The following ATP6V0D2 variants were observed in gnomAD, a reference collection of about 807,000 sequenced individuals.
ATP6V0D2 encodes V-type proton ATPase subunit d 2.
Under a neutral mutation model 40.0 loss-of-function variants are expected in ATP6V0D2, and 40 were observed. The ratio of observed to expected loss-of-function variants is 1.00; its 90% confidence interval spans 0.78 to 1.30. The LOEUF (loss-of-function observed/expected upper bound fraction) is 1.30. ATP6V0D2 is among the 50% of genes most tolerant of loss of function. The pLI is 0.00. For missense variants in ATP6V0D2, 470 were observed against 423.1 expected (o/e 1.11, Z -0.97); for synonymous variants, 179 against 156.3 (o/e 1.15, Z -1.08).
In ATP6V0D2 at chr8:86,141,776, A is replaced by G. The variant is rs571877033; in HGVS notation, c.561+247A>G. Reference sequence around the variant, plus strand: ...TTCTTCCATATTCCTAGCTCCTTGCATGGTACCTGGAACATAAAAGGTGTT... The same window carrying G: ...TTCTTCCATATTCCTAGCTCCTTGCGTGGTACCTGGAACATAAAAGGTGTT... On this transcript the variant is annotated intron_variant, in intron 4 of 7. Transcript: ENST00000285393. 2.0e-5 allele frequency among the ~76,000 whole-genome samples: 3 copies of G among 152,344 alleles called. No individual in the cohort carries two copies. In the East Asian group the frequency reaches 5.8e-4, roughly 29 times the overall value.
intron 2 of ATP6V0D2, among the ~76,000 whole-genome samples, chr8:86,121,538 C>G (rs558644600): frequency 4.0e-5 from 6 of 150,550 alleles, no homozygotes; most frequent in Admixed American, 1.3e-4. Context: ...CCACTGCACT[C>G]CAGCCTGGGT....
rs1302636433 is a variant in ATP6V0D2, at chr8:86,150,258, C to T, written c.786C>T (p.Asp262=). 3 of 1,613,138 alleles carry T rather than the reference C, an allele frequency of 1.9e-6. No homozygotes were observed. The highest frequency in any genetic ancestry group is 2.5e-6 in the Non-Finnish European group (3 of 1,179,862). The change falls in exon 6 of 8, where the codon GAC becomes GAT. Residue 262 remains aspartate, a synonymous_variant. Transcript: ENST00000285393. ...LRLLAQAEDF[D]QMKNVADHYG... ...TGTTGGCTCAAGCAGAAGACTTTGA[C>T]CAGATGAAGAACGTAGCGGATCATT...
At chr8:86,136,756 G>T (rs1190091005) in intron 2 of ATP6V0D2, among the ~76,000 whole-genome samples, 2 of 152,142 alleles carry the variant, frequency 1.3e-5, no homozygotes, top group African/African-American at 2.4e-5. Flanking sequence ...TGCCCAGGAA[G>T]TCTGTACCCC....
chr8:86,139,270 T>C (rs769458997), intron 2 of ATP6V0D2, among the ~76,000 whole-genome samples, 187 bp from the exon 3 acceptor site: 3 of 152,068 alleles, frequency 2.0e-5, no homozygotes, highest in Non-Finnish European at 2.9e-5. Context: ...TTTTTCAATT[T>C]ATGACAGTCT....
chr8:86,110,259 T>C (rs1341287911), intron 1 of ATP6V0D2, among the ~76,000 whole-genome samples: 2 of 152,046 alleles, frequency 1.3e-5, no homozygotes, highest in Non-Finnish European at 2.9e-5. Flanking sequence ...CACACCCAAC[T>C]AATTTTTGTC....
intron 2 of ATP6V0D2, among the ~76,000 whole-genome samples, chr8:86,123,560 G>A (rs749300900): frequency 2.0e-4 from 31 of 152,112 alleles, no homozygotes; most frequent in Non-Finnish European, 3.1e-4. Flanking sequence ...ACAGGAAGGC[G>A]GGGAATATGA....
chr8:86,151,541 G>A lies in ATP6V0D2; in HGVS notation c.891+1G>A, dbSNP rs150698519. The A allele has an allele frequency of 2.5e-6, 4 of 1,601,534 alleles. No individual in the cohort carries two copies. Among genetic ancestry groups the A allele is most frequent in the South Asian group, 1.1e-5 (1 of 88,718 alleles). On this transcript the variant is annotated splice_donor_variant, in intron 7 of 7. Coordinates refer to ENST00000285393, the MANE Select transcript of ATP6V0D2 (RefSeq NM_152565.1). LOFTEE classifies it high-confidence loss of function. The stretch of plus-strand genomic sequence containing the variant: ...GGAGGACGTGTTTTACGAGCGTGAG[G>A]TATGATATAAGTGGAAATACTATTA...
chr8:86,102,055 C>G (rs10504819), intron 1 of ATP6V0D2, among the ~76,000 whole-genome samples: 104,532 of 152,066 alleles, frequency 0.69, 37,360 homozygotes, highest in African/African-American at 0.89. Flanking sequence ...CCACCTAACA[C>G]GCTATTGGTG....
At chr8:86,148,168 G>A (rs1044198854) in intron 5 of ATP6V0D2, among the ~76,000 whole-genome samples, 15 of 152,136 alleles carry the variant, frequency 9.9e-5, no homozygotes, top group African/African-American at 3.6e-4. Flanking sequence ...TACCTCCATT[G>A]TTGCTCTAGT....
intron 2 of ATP6V0D2, among the ~76,000 whole-genome samples, chr8:86,115,418 G>T (rs1473362078): frequency 7.6e-6 from 1 of 131,080 alleles, no homozygotes; most frequent in Non-Finnish European, 1.5e-5. Context: ...GCTCAGGCTG[G>T]AGTACAATGG....
intron 1 of ATP6V0D2, among the ~76,000 whole-genome samples, chr8:86,102,653 G>A (rs1229565824): frequency 6.6e-6 from 1 of 152,350 alleles, no homozygotes; most frequent in Non-Finnish European, 1.5e-5. Context: ...TTTGAAAAGT[G>A]TTAGTATTCA....
intron 7 of ATP6V0D2, 83 bp from the exon 8 acceptor site, chr8:86,152,733 G>T: frequency 7.1e-7 from 1 of 1,414,598 alleles, no homozygotes; most frequent in Non-Finnish European, 9.5e-7. Context: ...CACTGCACAA[G>T]TTCAAGCCAG....
intron 2 of ATP6V0D2, among the ~76,000 whole-genome samples, chr8:86,127,321 T>C (rs571194051): frequency 1.8e-4 from 28 of 152,272 alleles, no homozygotes; most frequent in African/African-American, 6.7e-4. Flanking sequence ...CATTTGAAAA[T>C]TCATACATTG....
intron 2 of ATP6V0D2, among the ~76,000 whole-genome samples, chr8:86,129,016 G>A (rs1818781123): frequency 6.6e-6 from 1 of 152,240 alleles, no homozygotes; most frequent in African/African-American, 2.4e-5. Context: ...TAAAGATGAT[G>A]TGGCTTATAA....
intron 1 of ATP6V0D2, among the ~76,000 whole-genome samples, chr8:86,109,168 T>C (rs946986841): frequency 3.3e-5 from 5 of 152,176 alleles, no homozygotes; most frequent in Non-Finnish European, 5.9e-5. Flanking sequence ...CTTACTGTTT[T>C]CAAAGAAATC....
intron 2 of ATP6V0D2, among the ~76,000 whole-genome samples, chr8:86,134,375 AAGAAAGGACAAC>A (rs1818868494): frequency 6.6e-6 from 1 of 152,312 alleles, no homozygotes; most frequent in African/African-American, 2.4e-5. Context: ...AATGGGAAAA[AAGAAAGGACAAC>A]AGAAAGGAGA....
At chr8:86,133,931 CA>C (rs747523313) in intron 2 of ATP6V0D2, among the ~76,000 whole-genome samples, 3 of 152,060 alleles carry the variant, frequency 2.0e-5, no homozygotes, top group Non-Finnish European at 2.9e-5. Context: ...AAATTCCCCC[CA>C]TTTGGCAAAA....
At chr8:86,147,129 T>C (rs1357880724) in intron 5 of ATP6V0D2, among the ~76,000 whole-genome samples, 1 of 152,192 alleles carries the variant, frequency 6.6e-6, no homozygotes, top group Admixed American at 6.5e-5. Flanking sequence ...AAAATATGTT[T>C]GTTTGATCTC....
At chr8:86,145,234 AGAGAGAGAGAGAGAGAGAGAG>A in intron 5 of ATP6V0D2, among the ~76,000 whole-genome samples, 28 of 39,556 alleles carry the variant, frequency 7.1e-4, no homozygotes, top group Non-Finnish European at 1.1e-3. Context: ...AAAGAAAGAA[AGAGAGAGAGAGAGAGAGAGAG>A]AGAAAGAAAG....
Sources: allele counts gnomAD v4.1 joint callset (sites outside exome capture counted in the v4.1 genomes callset), GRCh38; gene constraint gnomAD v4.1.1; transcripts MANE v1.5; gene names NCBI Gene and HGNC (gene_info 2026-07-23, HGNC 2026-07-21).